CORO2B: variants seen among roughly 807,000 people sequenced by gnomAD.
The protein encoded by CORO2B is coronin 2B.
In CORO2B, 26 loss-of-function variants were observed where a neutral mutation model predicts 58.8. The ratio of observed to expected loss-of-function variants is 0.44; its 90% CI spans 0.32 to 0.61. The LOEUF (loss-of-function observed/expected upper bound fraction) is 0.61. Ranked by LOEUF, CORO2B falls within the 20% of genes least tolerant of loss-of-function variation. The probability of loss-of-function intolerance (pLI) is 0.04; values close to 1 mark genes in which losing one functional copy is unlikely to be tolerated. For missense variants in CORO2B, 460 were observed against 645.1 expected (o/e 0.71, Z 3.11); for synonymous variants, 242 against 253.8 (o/e 0.95, Z 0.44).
At chr15:68,561,905 CCGTGAGTGTGTGT>C in the CORO2B span, among the ~76,000 whole-genome samples, 67 of 152,214 alleles carry the variant, frequency 4.4e-4, no homozygotes, top group African/African-American at 1.5e-3. Flanking sequence ...GTGAGCATGA[CCGTGAGTGTGTGT>C]TGTGAGTGTG....
At chr15:68,671,857 C>T (rs1226373461) in intron 2 of CORO2B, among the ~76,000 whole-genome samples, 1 of 152,110 alleles carries the variant, frequency 6.6e-6, no homozygotes. Context: ...AACCCTGGTG[C>T]AATATGGGAG....
At chr15:68,520,537 G>T in the CORO2B span, among the ~76,000 whole-genome samples, 1 of 152,186 alleles carries the variant, frequency 6.6e-6, no homozygotes, top group Non-Finnish European at 1.5e-5. Context: ...GCTTAGAAAT[G>T]CTTCTTGCCT....
At chr15:68,694,936 A>G (rs964118693) in intron 2 of CORO2B, among the ~76,000 whole-genome samples, 5 of 152,188 alleles carry the variant, frequency 3.3e-5, no homozygotes, top group African/African-American at 1.2e-4. Flanking sequence ...TGAACCATTC[A>G]GTCTTGGGGA....
intron 1 of CORO2B, among the ~76,000 whole-genome samples, chr15:68,593,412 G>T (rs1899750848): frequency 6.6e-6 from 1 of 152,220 alleles, no homozygotes; most frequent in South Asian, 2.1e-4. Context: ...ATCTCTGAGA[G>T]GTGGGATCCA....
intron 2 of CORO2B, among the ~76,000 whole-genome samples, chr15:68,666,119 C>G (rs774329263): frequency 1.3e-5 from 2 of 152,178 alleles, no homozygotes; most frequent in Non-Finnish European, 2.9e-5. Flanking sequence ...TGAACACCAC[C>G]TAGATTAATG....
intron 3 of CORO2B, among the ~76,000 whole-genome samples, chr15:68,704,079 C>A (rs1366166376): frequency 1.6e-5 from 2 of 125,916 alleles, no homozygotes; most frequent in Admixed American, 8.1e-5. Flanking sequence ...CACACACACA[C>A]AAATACAAAT....
the CORO2B span, among the ~76,000 whole-genome samples, chr15:68,531,313 T>A: frequency 1.0e-3 from 139 of 136,142 alleles, no homozygotes; most frequent in Admixed American, 1.9e-3. Flanking sequence ...AAACCTCATC[T>A]CAACTAAAAA....
intron 1 of CORO2B, among the ~76,000 whole-genome samples, chr15:68,611,434 C>G (rs1392600427): frequency 6.6e-6 from 1 of 152,098 alleles, no homozygotes; most frequent in African/African-American, 2.4e-5. Flanking sequence ...TGACAATTTC[C>G]TACCTTTTGC....
chr15:68,617,892 AGGCTACT>A (rs912441424), intron 1 of CORO2B, among the ~76,000 whole-genome samples: 2 of 152,190 alleles, frequency 1.3e-5, no homozygotes, highest in African/African-American at 4.8e-5. Flanking sequence ...TTTGAATCTT[AGGCTACT>A]GGAATGCCCT....
Position 68,623,906 on chromosome 15 carries a change from T to C in CORO2B, c.16-21254T>C, listed in dbSNP as rs1595974209. 2.6e-5 allele frequency among the ~76,000 whole-genome samples: 4 copies of C among 152,268 alleles called. No individual in the cohort carries two copies. In the South Asian group the frequency reaches 8.3e-4, roughly 32 times the overall value. The stretch of plus-strand genomic sequence containing the variant: ...GCTGAGCGTGGGTCGCACAGACTCC[T>C]TGACTGCTGTGTTGGGAAGATGCCC... On this transcript the variant is annotated intron_variant, in intron 1 of 11. Transcript: ENST00000261861.
intron 2 of CORO2B, among the ~76,000 whole-genome samples, chr15:68,672,049 T>C (rs1479642448): frequency 6.6e-6 from 1 of 152,028 alleles, no homozygotes; most frequent in Non-Finnish European, 1.5e-5. Flanking sequence ...CCCACAGGAA[T>C]AGTGAACCGG....
At chr15:68,555,788 G>T in the CORO2B span, among the ~76,000 whole-genome samples, 3 of 152,354 alleles carry the variant, frequency 2.0e-5, no homozygotes, top group East Asian at 5.8e-4. Flanking sequence ...CTCTGATGCT[G>T]TTTGATTCCA....
chr15:68,567,848 C>T, the CORO2B span, among the ~76,000 whole-genome samples: 1 of 152,118 alleles, frequency 6.6e-6, no homozygotes, highest in South Asian at 2.1e-4. Flanking sequence ...AGTGAAACCC[C>T]GTCTCTACTA....
At chr15:68,624,269 C>T (rs1900613236) in intron 1 of CORO2B, among the ~76,000 whole-genome samples, 1 of 152,176 alleles carries the variant, frequency 6.6e-6, no homozygotes, top group African/African-American at 2.4e-5. Flanking sequence ...GTCCCAGCTG[C>T]TCGGGAGGCT....
chr15:68,703,150 C>CTTTTTT (rs57404468), intron 3 of CORO2B, among the ~76,000 whole-genome samples: 2 of 100,114 alleles, frequency 2.0e-5, no homozygotes, highest in Non-Finnish European at 2.0e-5. Flanking sequence ...TTCTTTTTTT[C>CTTTTTT]TTTTTTTTTT....
the CORO2B span, among the ~76,000 whole-genome samples, chr15:68,573,409 G>A: frequency 1.3e-5 from 2 of 152,110 alleles, no homozygotes; most frequent in African/African-American, 2.4e-5. Context: ...AGCTGGAGGA[G>A]AGACAGGAGG....
chr15:68,530,110 G>A, the CORO2B span, among the ~76,000 whole-genome samples: 1 of 152,164 alleles, frequency 6.6e-6, no homozygotes, highest in East Asian at 1.9e-4. Context: ...GGATCACGAG[G>A]TCAGGAGTTT....
chr15:68,710,632 G>A lies in CORO2B; in HGVS notation c.334-100G>A. ...CTCAAGCCAGGAGGTGGCTCATCAG[G>A]CAGATCTCAGAAAGCCTGGTGTCCG... On this transcript the variant is annotated intron_variant, in intron 3 of 11. Transcript: ENST00000261861. This position sits in a 1 kb window ranked among gnomAD's most constrained non-coding sequence, Gnocchi z 4.1. The A allele has an allele frequency of 7.4e-7, 1 of 1,347,928 alleles. No individual in the cohort carries two copies. The highest frequency in any genetic ancestry group is 2.8e-5 in the Admixed American group (1 of 35,352). The allele number at this position is 1,347,928 out of a possible 1,614,324, so 83.5% of individuals were successfully genotyped here.
At chr15:68,700,613 G>T (rs777002425) in intron 3 of CORO2B, among the ~76,000 whole-genome samples, 1 of 152,236 alleles carries the variant, frequency 6.6e-6, no homozygotes. Flanking sequence ...AGGGCTGGGG[G>T]CCATAACTCT....
Sources: allele counts gnomAD v4.1 joint callset (sites outside exome capture counted in the v4.1 genomes callset), GRCh38; gene constraint gnomAD v4.1.1; non-coding constraint Gnocchi (gnomAD v3.1); transcripts MANE v1.5; gene names NCBI Gene and HGNC (gene_info 2026-07-23, HGNC 2026-07-21).